The following CMIP variants were observed in gnomAD, a reference collection of about 807,000 sequenced individuals.
CMIP encodes c-Maf inducing protein, also known as C-Maf-inducing protein.
Under a neutral mutation model 97.3 loss-of-function variants are expected in CMIP, and 13 were observed. That is an observed-to-expected ratio of 0.13 (90% CI 0.09 to 0.21). CMIP has a LOEUF of 0.21. CMIP is among the 10% of genes least tolerant of loss of function. The probability of loss-of-function intolerance (pLI) is 1.00; values close to 1 mark genes in which losing one functional copy is unlikely to be tolerated. For missense variants in CMIP, 847 were observed against 1,024.9 expected, an observed-to-expected ratio of 0.83 and a Z score of 2.37; for synonymous variants, 538 against 436.3, an observed-to-expected ratio of 1.23 and a Z score of -2.91.
chr16:81,687,013 A>G (rs555759373), intron 10 of CMIP, among the ~76,000 whole-genome samples: 1 of 152,170 alleles, frequency 6.6e-6, no homozygotes, highest in Admixed American at 6.5e-5. Context: ...AAGGGTTCAG[A>G]TCCCACCTCC....
chr16:81,655,211 G>A lies in CMIP; in HGVS notation c.640-2564G>A, dbSNP rs1041922813. Among the ~76,000 whole-genome samples the A allele has an allele frequency of 6.6e-6, 1 of 152,150 alleles. No homozygotes were observed. The highest frequency in any genetic ancestry group is 1.5e-5 in the Non-Finnish European group (1 of 68,048). On this transcript the variant is annotated intron_variant, in intron 4 of 20. Coordinates refer to ENST00000537098, the MANE Select transcript of CMIP (RefSeq NM_198390.3). The surrounding 1 kb of genome is among the most constrained non-coding windows in gnomAD (Gnocchi z 4.9). Reference sequence around the variant, plus strand: ...ACAAACATCTGCCTTCGACCTCCGTGCCCTGTTTTGGGGCTGGGTTGTTTC... The same window carrying A: ...ACAAACATCTGCCTTCGACCTCCGTACCCTGTTTTGGGGCTGGGTTGTTTC...
chr16:81,539,321 G>A (rs965641146), intron 1 of CMIP, among the ~76,000 whole-genome samples: 1 of 152,212 alleles, frequency 6.6e-6, no homozygotes, highest in African/African-American at 2.4e-5. Flanking sequence ...AGGCGTCCTT[G>A]GGGGTGGAGG....
intron 1 of CMIP, among the ~76,000 whole-genome samples, chr16:81,571,606 A>G (rs199535468): frequency 0.047 from 7,093 of 150,448 alleles, 234 homozygotes; most frequent in Middle Eastern, 0.12. Flanking sequence ...AAAAAAAAAA[A>G]AAAAATTAAG....
At chr16:81,557,512 TG>T (rs1454412880) in intron 1 of CMIP, among the ~76,000 whole-genome samples, 1 of 152,226 alleles carries the variant, frequency 6.6e-6, no homozygotes, top group African/African-American at 2.4e-5. Context: ...GTTTATAATG[TG>T]GAATAATTGA....
At chr16:81,581,994 C>T (rs1597113656) in intron 1 of CMIP, among the ~76,000 whole-genome samples, 1 of 152,154 alleles carries the variant, frequency 6.6e-6, no homozygotes, top group South Asian at 2.1e-4. Context: ...CTGGGGAGGC[C>T]TCAGGTGGAA....
intron 1 of CMIP, among the ~76,000 whole-genome samples, chr16:81,457,537 C>G (rs1394479948): frequency 6.6e-6 from 1 of 152,232 alleles, no homozygotes; most frequent in African/African-American, 2.4e-5. Context: ...CTGCCAGGTG[C>G]TGGCCCACTG....
At chr16:81,610,748 G>C (rs2091817978) in intron 2 of CMIP, among the ~76,000 whole-genome samples, 1 of 152,150 alleles carries the variant, frequency 6.6e-6, no homozygotes, top group Non-Finnish European at 1.5e-5. Context: ...GGCTGGGGCG[G>C]GGTGCACTTG....
intron 3 of CMIP, among the ~76,000 whole-genome samples, chr16:81,639,547 A>G (rs770617824): frequency 6.6e-6 from 1 of 152,222 alleles, no homozygotes; most frequent in African/African-American, 2.4e-5. Context: ...AATGTCCCCA[A>G]GGTTCATTCA....
At chr16:81,668,476 G>A (rs1282726584) in intron 7 of CMIP, among the ~76,000 whole-genome samples, 1 of 152,186 alleles carries the variant, frequency 6.6e-6, no homozygotes, top group East Asian at 1.9e-4. Context: ...AGAGCTCTCT[G>A]TGCCGTGGCC....
chr16:81,688,377 G>T (rs1304502102), intron 10 of CMIP, among the ~76,000 whole-genome samples: 1 of 152,222 alleles, frequency 6.6e-6, no homozygotes, highest in Non-Finnish European at 1.5e-5. Flanking sequence ...CTTTTGCTAA[G>T]ATCACAGCCG....
intron 6 of CMIP, among the ~76,000 whole-genome samples, chr16:81,662,634 A>G (rs1209599532): frequency 2.6e-5 from 4 of 151,886 alleles, no homozygotes; most frequent in Admixed American, 6.6e-5. Context: ...AAGTTTATTC[A>G]TCTTGCTTTC....
At chr16:81,596,930 T>C (rs6564892) in intron 1 of CMIP, among the ~76,000 whole-genome samples, 101,026 of 152,168 alleles carry the variant, frequency 0.66, 33,725 homozygotes, top group Middle Eastern at 0.73. Context: ...TTCTGTCCAG[T>C]TGCTTTTGCT....
At chr16:81,693,129 C>T (rs554245313) in intron 11 of CMIP, 29 bp from the exon 12 acceptor site, 26 of 1,603,532 alleles carry the variant, frequency 1.6e-5, no homozygotes, top group African/African-American at 4.0e-5. Flanking sequence ...TTCTGTTAAC[C>T]GCCGTGTTTT....
intron 1 of CMIP, among the ~76,000 whole-genome samples, chr16:81,525,546 A>G (rs1435859196): frequency 6.6e-6 from 1 of 152,166 alleles, no homozygotes; most frequent in East Asian, 1.9e-4. Flanking sequence ...GAGACAGAGT[A>G]TGGCTATGTT....
intron 1 of CMIP, among the ~76,000 whole-genome samples, chr16:81,556,111 T>A (rs1173168150): frequency 6.6e-6 from 1 of 152,208 alleles, no homozygotes; most frequent in Non-Finnish European, 1.5e-5. Flanking sequence ...TCTCAGAGTT[T>A]CTGAGTCCTG....
intron 1 of CMIP, among the ~76,000 whole-genome samples, chr16:81,481,874 C>T (rs1049583070): frequency 1.4e-5 from 2 of 144,408 alleles, no homozygotes; most frequent in Admixed American, 1.4e-4. Context: ...GCCCTCCCGC[C>T]TCCCTCTTTT....
rs140612347 is a variant in CMIP, at chr16:81,537,923, C to T, written c.301-69644C>T. Among the ~76,000 whole-genome samples the T allele has an allele frequency of 5.5e-4, 83 of 152,282 alleles. 1 individual carries two copies. The East Asian group carries it at 0.014, about 25-fold the overall frequency. ...GGGAACTCACAGAGGGTGGAGAGAG[C>T]CCTGGGTGCAGAGTCTTGGCCGTCA... On this transcript the variant is annotated intron_variant, in intron 1 of 20. Coordinates refer to ENST00000537098, the MANE Select transcript of CMIP (RefSeq NM_198390.3).
Position 81,652,508 on chromosome 16 carries a change from C to T in CMIP, c.639+144C>T, listed in dbSNP as rs2092439840. On this transcript the variant is annotated intron_variant, in intron 4 of 20. Coordinates refer to ENST00000537098, the MANE Select transcript of CMIP (RefSeq NM_198390.3). The surrounding 1 kb of genome is among the most constrained non-coding windows in gnomAD (Gnocchi z 5.2). Reference sequence around the variant, plus strand: ...GCCGAAGGAGGTGAGCAGTTGCCCACCCAGCCGTGTGTGGGAGTTGGGAGA... The same window carrying T: ...GCCGAAGGAGGTGAGCAGTTGCCCATCCAGCCGTGTGTGGGAGTTGGGAGA... 82 of 707,496 alleles carry T rather than the reference C, an allele frequency of 1.2e-4. 2 individuals are homozygous for T. In the South Asian group the frequency reaches 1.5e-3, roughly 13 times the overall value. The allele number at this position is 707,496 out of a possible 1,614,324, so 43.8% of individuals were successfully genotyped here. A position where few individuals can be genotyped will look rare whatever the true frequency, so the allele number is the denominator to read the frequency against.
chr16:81,467,806 C>T (rs938470945), intron 1 of CMIP, among the ~76,000 whole-genome samples: 1 of 151,452 alleles, frequency 6.6e-6, no homozygotes, highest in African/African-American at 2.4e-5. Context: ...GTTTTGAACT[C>T]CTGGACTCAA....
Sources: gnomAD v4.1 joint callset for allele counts (sites outside exome capture counted in the v4.1 genomes callset) on GRCh38, gnomAD v4.1.1 for gene constraint, Gnocchi (gnomAD v3.1) non-coding constraint, MANE v1.5 for transcripts, NCBI Gene and HGNC (gene_info 2026-07-23, HGNC 2026-07-21) for gene names.